Variants in DYNLT3 observed in about 807,000 individuals in gnomAD.
DYNLT3 encodes protein 91/23.
A neutral mutation model predicts 11.0 loss-of-function variants in DYNLT3; 4 were observed. That is an observed-to-expected ratio of 0.36 (90% CI 0.18 to 0.83). The LOEUF is 0.83. Among genes scored for constraint, DYNLT3 ranks in the 40% least tolerant of loss-of-function variants. The pLI is 0.47. For synonymous variants in DYNLT3, 37 were observed against 31.2 expected, an observed-to-expected ratio of 1.18 and a Z score of -0.61; for missense variants, 91 against 91.1, an observed-to-expected ratio of 1.00 and a Z score of 0.01.
chrX:37,847,377 A>C, intron 1 of DYNLT3, 104 bp downstream of exon 1: 3 of 974,219 alleles, frequency 3.1e-6, no homozygotes, highest in Non-Finnish European at 3.9e-6. Flanking sequence ...AGGACGCCGC[A>C]CCCCAACTCT....
chrX:37,841,947 G>C, intron 2 of DYNLT3, 42 bp from the exon 3 acceptor site: 1 of 1,041,719 alleles, frequency 9.6e-7, no homozygotes. Context: ...CAGTAAAATT[G>C]TTCAAAAAGA....
chrX:37,847,184 C>G (rs1013314531), intron 1 of DYNLT3: 4 of 1,097,951 alleles, frequency 3.6e-6, no homozygotes, highest in Non-Finnish European at 4.8e-6. Flanking sequence ...GGGCGGCGCC[C>G]GTCACCCCAT....
chrX:37,842,048 T>C, intron 2 of DYNLT3, 143 bp from the exon 3 acceptor site: 1 of 552,097 alleles, frequency 1.8e-6, no homozygotes. Flanking sequence ...ATACACTTGG[T>C]AAACATTGAT....
rs1410179776 is a variant in DYNLT3, at chrX:37,839,815, C to T, written c.*760G>A. On this transcript the variant is annotated 3_prime_UTR_variant, in exon 5 of 5. Transcript: ENST00000378578. ...TGACAACTATGGTGCTTAGCAGAGA[C>T]ATATGCCCATAATAGGCATCTGATA... 8.9e-6 allele frequency: 1 copy of T among 112,349 alleles called. No individual in the cohort carries two copies. Among genetic ancestry groups the T allele is most frequent in the Non-Finnish European group, 1.9e-5 (1 of 53,211 alleles). The allele number at this position is 112,349 out of a possible 1,213,427, so 9.3% of individuals were successfully genotyped here. A position where few individuals can be genotyped will look rare whatever the true frequency, so the allele number is the denominator to read the frequency against.
intron 4 of DYNLT3, 111 bp from the exon 5 acceptor site, chrX:37,840,762 ACACACACACAC>A (rs1930134536): frequency 4.4e-5 from 14 of 315,339 alleles, no homozygotes; most frequent in African/African-American, 6.6e-5. Flanking sequence ...ACACACACAC[ACACACACACAC>A]ACACACACAC....
chrX:37,841,192 G>T, intron 3 of DYNLT3, 87 bp from the exon 4 acceptor site: 1 of 753,389 alleles, frequency 1.3e-6, no homozygotes, highest in Non-Finnish European at 1.9e-6. Flanking sequence ...AGCTCTACAA[G>T]CCGAAAACAA....
chrX:37,846,309 T>C lies in DYNLT3; in HGVS notation c.72+8A>G, dbSNP rs1201762941. ...CAAGCTTCAAGAGAAACAAAATGTATGACTCACCTCTTTGACAATATTGTG... is the reference window on the plus strand; with the variant it reads ...CAAGCTTCAAGAGAAACAAAATGTACGACTCACCTCTTTGACAATATTGTG... On this transcript the variant is annotated splice_region_variant and intron_variant, in intron 2 of 4. Transcript: ENST00000378578. 8.3e-7 allele frequency: 1 copy of C among 1,207,111 alleles called. No individual in the cohort carries two copies. Among genetic ancestry groups the C allele is most frequent in the Non-Finnish European group, 1.1e-6 (1 of 893,172 alleles).
intron 2 of DYNLT3, among the ~76,000 whole-genome samples, chrX:37,844,751 G>A (rs1930235530): frequency 9.0e-6 from 1 of 111,200 alleles, no homozygotes; most frequent in Middle Eastern, 4.7e-3. Context: ...TCTCCCAAAT[G>A]TGTTGAACTT....
At chrX:37,840,995 G>C in intron 4 of DYNLT3, 33 bp downstream of exon 4, 1 of 1,194,269 alleles carries the variant, frequency 8.4e-7, no homozygotes, top group Admixed American at 2.2e-5. Context: ...GCTAAAAGTT[G>C]GATTTTGTGT....
chrX:37,843,848 T>C (rs1930217171), intron 2 of DYNLT3, among the ~76,000 whole-genome samples: 1 of 111,750 alleles, frequency 8.9e-6, no homozygotes, highest in African/African-American at 3.3e-5. Flanking sequence ...GCTGAAATTA[T>C]GTAATCATCT....
intron 1 of DYNLT3, chrX:37,847,156 G>A (rs1466327707): frequency 2.6e-6 from 3 of 1,136,581 alleles, no homozygotes; most frequent in Admixed American, 5.8e-5. Context: ...ACCCGTTTTC[G>A]AGGCCCGCCC....
intron 2 of DYNLT3, among the ~76,000 whole-genome samples, chrX:37,845,396 C>T (rs763127025): frequency 1.8e-5 from 2 of 112,015 alleles, no homozygotes; most frequent in East Asian, 2.8e-4. Flanking sequence ...AAATAATGAA[C>T]GGTCCCCTGC....
In DYNLT3 at chrX:37,841,117, G is replaced by A; in HGVS notation, c.197-12C>T. 2 of 1,197,041 alleles carry A rather than the reference G, an allele frequency of 1.7e-6. No homozygotes were observed. Among genetic ancestry groups the A allele is most frequent in the Non-Finnish European group, 2.3e-6 (2 of 886,161 alleles). Reference sequence around the variant, plus strand: ...CACTGCACAGGTCACTGCAAATAAAGTCACAGAATGAGGGCACTTACAGAC... The same window carrying A: ...CACTGCACAGGTCACTGCAAATAAAATCACAGAATGAGGGCACTTACAGAC... On this transcript the variant is annotated splice_polypyrimidine_tract_variant and intron_variant, in intron 3 of 4. Transcript: ENST00000378578.
intron 2 of DYNLT3, among the ~76,000 whole-genome samples, chrX:37,843,605 TA>T (rs1305389349): frequency 8.9e-6 from 1 of 111,913 alleles, no homozygotes; most frequent in African/African-American, 3.2e-5. Context: ...TTAAATCAAA[TA>T]CACTTTAGAC....
chrX:37,845,744 G>A (rs189404819), intron 2 of DYNLT3, among the ~76,000 whole-genome samples: 1,340 of 112,521 alleles, frequency 0.012, 6 homozygotes, highest in Non-Finnish European at 0.018. Flanking sequence ...AAAAGACAGG[G>A]CATCAATTTT....
At chrX:37,846,177 C>A (rs774451520) in intron 2 of DYNLT3, 140 bp downstream of exon 2, 15 of 665,557 alleles carry the variant, frequency 2.3e-5, no homozygotes, top group Non-Finnish European at 3.3e-5. Context: ...TCTCAAAAAA[C>A]AATAAAATAA....
chrX:37,840,626 G>C lies in DYNLT3; in HGVS notation c.300C>G (p.Asn100Lys), dbSNP rs1327739684. The change falls in exon 5 of 5, where the codon AAC becomes AAG. Residue 100 changes from asparagine (N) to lysine (K), a missense_variant. Asn to Lys is a moderately conservative substitution (Grantham distance 94). Transcript: ENST00000378578. ...SDGTCTVRWE[N>K]RTMNCIVNVF... ...CGTTGACAATACAGTTCATGGTCCGGTTCTCCCATCTTACGGTACAGGTTC... is the reference window on the plus strand; with the variant it reads ...CGTTGACAATACAGTTCATGGTCCGCTTCTCCCATCTTACGGTACAGGTTC... The C allele has an allele frequency of 1.7e-6, 2 of 1,202,982 alleles. No homozygotes were observed. The highest frequency in any genetic ancestry group is 2.2e-6 in the Non-Finnish European group (2 of 891,870).
At chrX:37,845,658 A>G (rs1930253884) in intron 2 of DYNLT3, among the ~76,000 whole-genome samples, 1 of 112,381 alleles carries the variant, frequency 8.9e-6, no homozygotes, top group African/African-American at 3.2e-5. Context: ...GTGTGTACAT[A>G]TATATGCGTA....
At chrX:37,847,269 C>G (rs1930283638) in intron 1 of DYNLT3, 1 of 893,023 alleles carries the variant, frequency 1.1e-6, no homozygotes, top group African/African-American at 2.0e-5. Flanking sequence ...CCGCGCGCTC[C>G]TGGCCACCCC....
Sources: allele counts gnomAD v4.1 joint callset (sites outside exome capture counted in the v4.1 genomes callset), GRCh38; gene constraint gnomAD v4.1.1; transcripts MANE v1.5; gene names NCBI Gene and HGNC (gene_info 2026-07-23, HGNC 2026-07-21).